The following ZNF395 variants were observed in gnomAD, a reference collection of about 807,000 sequenced individuals.
The protein encoded by ZNF395 is HD gene regulatory region-binding protein 2.
A neutral mutation model predicts 57.7 loss-of-function variants in ZNF395; 20 were observed. The ratio of observed to expected loss-of-function variants is 0.35; its 90% CI spans 0.24 to 0.50. ZNF395 has a LOEUF of 0.50. Ranked by LOEUF, ZNF395 falls within the 20% of genes least tolerant of loss-of-function variation. The pLI is 0.97. For missense variants in ZNF395, 606 were observed against 671.2 expected (o/e 0.90, Z 1.07); for synonymous variants, 295 against 275.9 (o/e 1.07, Z -0.69).
At chr8:28,375,711 G>A (rs1229527495) in intron 1 of ZNF395, among the ~76,000 whole-genome samples, 1 of 152,166 alleles carries the variant, frequency 6.6e-6, no homozygotes, top group Non-Finnish European at 1.5e-5. Context: ...AATCTCTGTT[G>A]TGCTATGCAA....
rs1402490897 is a variant in ZNF395 at position 28,352,512 on chromosome 8, C to T, written c.920+61G>A. On this transcript the variant is annotated intron_variant, in intron 6 of 9. Transcript: ENST00000344423. The surrounding 1 kb of genome is among the most constrained non-coding windows in gnomAD (Gnocchi z 4.0). ...CTGTGGGCTGTGGGTCACAGGGACT[C>T]GGCAGGGTGGAGGGACACCCACACG... 13 of 1,476,194 alleles carry T rather than the reference C, an allele frequency of 8.8e-6. No homozygotes were observed. Among genetic ancestry groups the T allele is most frequent in the Middle Eastern group, 1.8e-4 (1 of 5,408 alleles). The allele number at this position is 1,476,194 out of a possible 1,614,324, so 91.4% of individuals were successfully genotyped here.
rs528933370 is a variant in ZNF395 at position 28,347,905 on chromosome 8, C to T, written c.*814G>A. The T allele has an allele frequency of 4.1e-4, 63 of 152,318 alleles. No individual in the cohort carries two copies. The highest frequency in any genetic ancestry group is 1.4e-3 in the African/African-American group (58 of 41,562). 9.4% of individuals were successfully genotyped at this position (152,318 alleles called of 1,614,324 possible). A position where few individuals can be genotyped will look rare whatever the true frequency, so the allele number is the denominator to read the frequency against. On this transcript the variant is annotated 3_prime_UTR_variant, in exon 10 of 10. Coordinates refer to ENST00000344423, the MANE Select transcript of ZNF395 (RefSeq NM_018660.3). Reference sequence around the variant, plus strand: ...CGGGTCAGAGCAGAGAGTTTCCAGACGCTCAAACCCTCCAGGAGTTCCTCG... The same window carrying T: ...CGGGTCAGAGCAGAGAGTTTCCAGATGCTCAAACCCTCCAGGAGTTCCTCG...
Position 28,353,215 on chromosome 8 carries a change from A to G in ZNF395, c.777T>C (p.Pro259=), listed in dbSNP as rs1801739488. 1.9e-6 allele frequency: 3 copies of G among 1,606,190 alleles called. No homozygotes were observed. The highest frequency in any genetic ancestry group is 2.6e-6 in the Non-Finnish European group (3 of 1,175,478). The change falls in exon 5 of 10, where the codon CCT becomes CCC. Residue 259 remains proline (P), a synonymous_variant. Coordinates refer to ENST00000344423, the MANE Select transcript of ZNF395 (RefSeq NM_018660.3). The stretch of plus-strand genomic sequence containing the variant: ...CTGGTTCGTCCAGCAGGAAAGGGTC[A>G]GGATCGGTCTCAAAGCCATGATCAG... ...PQTDHGFETD[P]DPFLLDEPAP...
intron 1 of ZNF395, among the ~76,000 whole-genome samples, chr8:28,363,667 C>A (rs1039612709): frequency 2.6e-5 from 4 of 152,136 alleles, no homozygotes; most frequent in African/African-American, 9.7e-5. Flanking sequence ...GGCCTCCCCA[C>A]GTTCTAGAGC....
chr8:28,358,169 T>G lies in ZNF395; in HGVS notation c.474-1390A>C, dbSNP rs1186286197. On this transcript the variant is annotated intron_variant, in intron 3 of 9. Transcript: ENST00000344423. The stretch of plus-strand genomic sequence containing the variant: ...TTTTTTTCTTTTTTTTTTTTTTTTT[T>G]TTTGAGATGCAGTCTCACTCTGTCA... 1.5e-4 allele frequency among the ~76,000 whole-genome samples: 22 copies of G among 148,226 alleles called. No homozygotes were observed. In the South Asian group the frequency reaches 3.7e-3, roughly 25 times the overall value.
chr8:28,363,260 T>G lies in ZNF395; in HGVS notation c.-58-2078A>C, dbSNP rs1585857560. 2.0e-5 allele frequency among the ~76,000 whole-genome samples: 3 copies of G among 152,154 alleles called. No homozygotes were observed. The Middle Eastern group carries it at 0.01, about 518-fold the overall frequency. ...AATTCTCCTACCTCAGCCTCCCAAG[T>G]AGCTGGAACCACAGGTGTGCGCTAC... On this transcript the variant is annotated intron_variant, in intron 1 of 9. Transcript: ENST00000344423.
At chr8:28,350,037 C>A in intron 8 of ZNF395, 27 bp downstream of exon 8, 1 of 1,556,376 alleles carries the variant, frequency 6.4e-7, no homozygotes, top group Non-Finnish European at 8.6e-7. Flanking sequence ...CCATACGAGG[C>A]CCCAGCCGTG....
At position 28,351,586 on chromosome 8, in the gene ZNF395, TGTTC is replaced by T; in HGVS notation, c.1138_1141del (p.Glu380IlefsTer68). ...GGGCAGGGAGGACTCCGGGCCAGGA[TGTTC>T]TGGGCCGGAGGACTGGGCTTTGTGC... On this transcript the variant is annotated frameshift_variant, in exon 7 of 10. Coordinates refer to ENST00000344423, the MANE Select transcript of ZNF395 (RefSeq NM_018660.3). LOFTEE classifies it high-confidence loss of function. 6.2e-7 allele frequency: 1 copy of T among 1,613,742 alleles called. No individual in the cohort carries two copies. The highest frequency in any genetic ancestry group is 8.5e-7 in the Non-Finnish European group (1 of 1,179,974).
intron 8 of ZNF395, 35 bp from the exon 9 acceptor site, chr8:28,349,263 C>T (rs773513125): frequency 4.0e-6 from 6 of 1,488,066 alleles, no homozygotes; most frequent in Non-Finnish European, 5.4e-6. Context: ...AGCACAGGGA[C>T]ATTCAGGAAA....
intron 3 of ZNF395, among the ~76,000 whole-genome samples, chr8:28,358,228 G>C (rs1801806186): frequency 7.4e-6 from 1 of 135,136 alleles, no homozygotes; most frequent in Non-Finnish European, 1.5e-5. Context: ...TCATACCACA[G>C]CCTCCCAAGT....
In ZNF395 at chr8:28,351,485, C is replaced by T. The variant is rs201270007; in HGVS notation, c.1233+10G>A. 8 of 1,582,336 alleles carry T rather than the reference C, an allele frequency of 5.1e-6. No individual in the cohort carries two copies. Among genetic ancestry groups the T allele is most frequent in the East Asian group, 4.5e-5 (2 of 44,288 alleles). On this transcript the variant is annotated intron_variant, in intron 7 of 9. Coordinates refer to ENST00000344423, the MANE Select transcript of ZNF395 (RefSeq NM_018660.3). The stretch of plus-strand genomic sequence containing the variant: ...ATGAGCCTGAGCCTCCAGCGAGCCC[C>T]GCCCCATACCTGGTATGCATGATCT...
intron 1 of ZNF395, among the ~76,000 whole-genome samples, chr8:28,364,807 C>T (rs750850277): frequency 2.6e-5 from 4 of 152,164 alleles, no homozygotes; most frequent in African/African-American, 4.8e-5. Context: ...TAAAAGTCTA[C>T]ACATCCATTT....
chr8:28,363,782 C>T (rs1285881174), intron 1 of ZNF395, among the ~76,000 whole-genome samples: 1 of 152,134 alleles, frequency 6.6e-6, no homozygotes, highest in African/African-American at 2.4e-5. Flanking sequence ...GGCCAACAAA[C>T]TCGGTCGATG....
chr8:28,371,300 C>T (rs577561211), intron 1 of ZNF395, among the ~76,000 whole-genome samples: 1 of 152,342 alleles, frequency 6.6e-6, no homozygotes, highest in African/African-American at 2.4e-5. Flanking sequence ...GCCACCTCAA[C>T]CTCCCAAATA....
chr8:28,348,020 G>A lies in ZNF395; in HGVS notation c.*699C>T, dbSNP rs1023989057. On this transcript the variant is annotated 3_prime_UTR_variant, in exon 10 of 10. Coordinates refer to ENST00000344423, the MANE Select transcript of ZNF395 (RefSeq NM_018660.3). ...CAGCCTTTTGGCTCAGCTATTTGGCGACAGTCTTTTAAAAAACCTCTTTCT... is the reference window on the plus strand; with the variant it reads ...CAGCCTTTTGGCTCAGCTATTTGGCAACAGTCTTTTAAAAAACCTCTTTCT... The A allele has an allele frequency of 1.3e-5, 2 of 152,142 alleles. No homozygotes were observed. Among genetic ancestry groups the A allele is most frequent in the Admixed American group, 6.5e-5 (1 of 15,268 alleles). 9.4% of individuals were successfully genotyped at this position (152,142 alleles called of 1,614,324 possible). A position where few individuals can be genotyped will look rare whatever the true frequency, so the allele number is the denominator to read the frequency against.
At chr8:28,373,869 C>A (rs941508682) in intron 1 of ZNF395, among the ~76,000 whole-genome samples, 1 of 152,198 alleles carries the variant, frequency 6.6e-6, no homozygotes, top group Non-Finnish European at 1.5e-5. Context: ...ACAGGGCAGG[C>A]ATCCCCCGTC....
intron 1 of ZNF395, among the ~76,000 whole-genome samples, chr8:28,385,727 G>A (rs1468447857): frequency 1.3e-5 from 2 of 148,588 alleles, no homozygotes; most frequent in Non-Finnish European, 3.0e-5. Context: ...CCCTGCGAGG[G>A]GCGAGTCCCG....
rs1260756733 is a variant in ZNF395 at position 28,345,610 on chromosome 8, T to G, written c.*3109A>C. On this transcript the variant is annotated 3_prime_UTR_variant, in exon 10 of 10. Transcript: ENST00000344423. Reference sequence around the variant, plus strand: ...TTAAATCAGACAAGGTACCATTTTATTCCTTATAAAATATATTTCATATTG... The same window carrying G: ...TTAAATCAGACAAGGTACCATTTTAGTCCTTATAAAATATATTTCATATTG... 1 of 152,636 alleles carries G rather than the reference T, an allele frequency of 6.6e-6. No homozygotes were observed. The highest frequency in any genetic ancestry group is 1.5e-5 in the Non-Finnish European group (1 of 68,030). The allele number at this position is 152,636 out of a possible 1,614,324, so 9.5% of individuals were successfully genotyped here. A position where few individuals can be genotyped will look rare whatever the true frequency, so the allele number is the denominator to read the frequency against.
rs770649953 is a variant in ZNF395, at chr8:28,361,202, T to A, written c.-58-20A>T. 1.3e-6 allele frequency: 2 copies of A among 1,596,784 alleles called. No homozygotes were observed. The highest frequency in any genetic ancestry group is 1.7e-6 in the Non-Finnish European group (2 of 1,176,688). On this transcript the variant is annotated intron_variant, in intron 1 of 9. Transcript: ENST00000344423. ...CATCACCTGGGGGAATCAGGAAGCT[T>A]TCAGGAGGGAGCCCCACACAGCAGG... is the stretch of plus-strand genomic sequence containing the variant.
Sources: gnomAD v4.1 joint callset for allele counts (sites outside exome capture counted in the v4.1 genomes callset) on GRCh38, gnomAD v4.1.1 for gene constraint, Gnocchi (gnomAD v3.1) non-coding constraint, MANE v1.5 for transcripts, NCBI Gene and HGNC (gene_info 2026-07-23, HGNC 2026-07-21) for gene names.